The following FABP6 variants were observed in gnomAD, a reference collection of about 807,000 sequenced individuals.
FABP6 encodes the protein gastrotropin.
In FABP6, 13 loss-of-function variants were observed where a neutral mutation model predicts 14.9. The observed-to-expected ratio is 0.87, with a 90% confidence interval of 0.57 to 1.39. FABP6 has a LOEUF of 1.39. FABP6 is among the 40% of genes most tolerant of loss of function. The pLI is 0.00. For missense variants in FABP6, 161 were observed against 167.2 expected, an observed-to-expected ratio of 0.96 and a Z score of 0.20; for synonymous variants, 75 against 63.6, an observed-to-expected ratio of 1.18 and a Z score of -0.85.
At chr5:160,228,507 T>C (rs965943219), upstream of FABP6, 3 of 456,182 alleles carry the variant, frequency 6.6e-6, no homozygotes, top group Non-Finnish European at 1.3e-5. Context: ...GCCGGAGTGA[T>C]CACGGAGGAG....
intron 1 of FABP6, among the ~76,000 whole-genome samples, chr5:160,195,302 A>AG (rs1302783307): frequency 6.0e-5 from 9 of 149,220 alleles, no homozygotes; most frequent in Non-Finnish European, 1.3e-4. Context: ...AAAAAAAAAA[A>AG]AAAAAAAAAG....
At chr5:160,192,766 T>C (rs960875962) in intron 1 of FABP6, among the ~76,000 whole-genome samples, 1 of 152,204 alleles carries the variant, frequency 6.6e-6, no homozygotes, top group Non-Finnish European at 1.5e-5. Flanking sequence ...TGAAAGGCCG[T>C]CTGGGGTCAA....
At chr5:160,208,065 T>C (rs1037663775) in intron 2 of FABP6, among the ~76,000 whole-genome samples, 1 of 152,188 alleles carries the variant, frequency 6.6e-6, no homozygotes, top group African/African-American at 2.4e-5. Flanking sequence ...TTTCTCAATT[T>C]TATGTAAAAA....
chr5:160,227,250 A>G (rs1196984454), upstream of FABP6, among the ~76,000 whole-genome samples: 2 of 152,114 alleles, frequency 1.3e-5, no homozygotes, highest in African/African-American at 4.8e-5. Context: ...AAAAGCCTAA[A>G]AGGGCTGGGT....
exon 3 of FABP6, chr5:160,213,772 A>T: frequency 6.2e-7 from 1 of 1,613,904 alleles, no homozygotes; most frequent in South Asian, 1.1e-5. Flanking sequence ...CACATGGGTG[A>T]GCCGGAAAGG....
In FABP6 at chr5:160,224,109, G is replaced by A. The variant is rs189281700; in HGVS notation, c.136-5437G>A. 7.6e-3 allele frequency among the ~76,000 whole-genome samples: 1,155 copies of A among 152,114 alleles called. 10 individuals are homozygous for A. Among genetic ancestry groups the A allele is most frequent in the African/African-American group, 0.025 (1,058 of 41,498 alleles). On this transcript the variant is annotated intron_variant, in intron 3 of 6. Coordinates refer to the FABP6 transcript ENST00000393980. ...AAATTAGCTGGGCGTGGTGGTGGGCGCCTGTAGTCCCAGCTACTCAGGAGG... is the reference window on the plus strand; with the variant it reads ...AAATTAGCTGGGCGTGGTGGTGGGCACCTGTAGTCCCAGCTACTCAGGAGG...
At position 160,217,732 on chromosome 5, in the gene FABP6, G is replaced by A. The variant is rs186317826; in HGVS notation, c.135+3913G>A. 4.4e-3 allele frequency among the ~76,000 whole-genome samples: 662 copies of A among 152,106 alleles called. 3 individuals carry two copies. Among genetic ancestry groups the A allele is most frequent in the South Asian group, 8.1e-3 (39 of 4,826 alleles). ...GCTCACTGTAGCCTTCCACTCCTACGCTCAAGTGATCTTCCCACCTCAGTC... is the reference window on the plus strand; with the variant it reads ...GCTCACTGTAGCCTTCCACTCCTACACTCAAGTGATCTTCCCACCTCAGTC... On this transcript the variant is annotated intron_variant, in intron 3 of 6. Coordinates refer to the FABP6 transcript ENST00000393980.
chr5:160,191,549 C>T (rs1049851711), intron 1 of FABP6, among the ~76,000 whole-genome samples: 23 of 152,266 alleles, frequency 1.5e-4, no homozygotes, highest in Admixed American at 5.9e-4. Flanking sequence ...GTTCCCCTCT[C>T]ATGCCCTCAT....
At chr5:160,219,013 C>T (rs1760076939) in intron 3 of FABP6, among the ~76,000 whole-genome samples, 1 of 152,136 alleles carries the variant, frequency 6.6e-6, no homozygotes, top group African/African-American at 2.4e-5. Flanking sequence ...GAGAGTAAAA[C>T]TAGAAGTATC....
At chr5:160,235,664 G>A (rs1040997687) in intron 3 of FABP6, among the ~76,000 whole-genome samples, 5 of 152,196 alleles carry the variant, frequency 3.3e-5, no homozygotes, top group South Asian at 2.1e-4. Context: ...CTGGGGTCCC[G>A]TGTAGGTCTA....
At chr5:160,232,648 G>C (rs1382106385) in intron 2 of FABP6, among the ~76,000 whole-genome samples, 1 of 152,098 alleles carries the variant, frequency 6.6e-6, no homozygotes, top group Non-Finnish European at 1.5e-5. Context: ...TGTAATCCCA[G>C]CACTTTGGGA....
At chr5:160,193,819 C>A (rs1362995367) in intron 1 of FABP6, among the ~76,000 whole-genome samples, 1 of 152,258 alleles carries the variant, frequency 6.6e-6, no homozygotes, top group Non-Finnish European at 1.5e-5. Flanking sequence ...GACTCAGGAG[C>A]CCAGCTGGCT....
intron 1 of FABP6, chr5:160,198,930 G>A: frequency 3.2e-6 from 2 of 629,670 alleles, no homozygotes; most frequent in Admixed American, 5.7e-5. Context: ...GTATCTCCAG[G>A]GCCCATGTGT....
At chr5:160,195,287 A>C (rs1385913710) in intron 1 of FABP6, among the ~76,000 whole-genome samples, 1 of 69,160 alleles carries the variant, frequency 1.4e-5, no homozygotes, top group East Asian at 5.8e-4. Context: ...CTGTCTCAAA[A>C]AAAAAAAAAA....
upstream of FABP6, chr5:160,228,424 C>G (rs897782499): frequency 4.4e-6 from 2 of 456,086 alleles, no homozygotes; most frequent in Non-Finnish European, 8.8e-6. Context: ...ATCACGAGAG[C>G]CTTTGCAGAG....
intron 1 of FABP6, among the ~76,000 whole-genome samples, chr5:160,194,832 C>T (rs952620863): frequency 2.6e-5 from 4 of 152,178 alleles, no homozygotes; most frequent in Non-Finnish European, 5.9e-5. Flanking sequence ...CTCCATATTC[C>T]CCACTCCCTG....
intron 2 of FABP6, chr5:160,213,579 C>A: frequency 1.5e-6 from 1 of 652,504 alleles, no homozygotes; most frequent in East Asian, 2.8e-5. Flanking sequence ...AGTCGATATC[C>A]TTTTGATAAA....
intron 1 of FABP6, among the ~76,000 whole-genome samples, chr5:160,191,559 T>C (rs1015579147): frequency 6.6e-6 from 1 of 152,026 alleles, no homozygotes; most frequent in Non-Finnish European, 1.5e-5. Context: ...CATGCCCTCA[T>C]TCCTTTTGCT....
intron 1 of FABP6, among the ~76,000 whole-genome samples, chr5:160,193,673 T>C (rs1048234727): frequency 6.6e-6 from 1 of 152,146 alleles, no homozygotes; most frequent in Non-Finnish European, 1.5e-5. Flanking sequence ...ACAGTGTCGA[T>C]TGGTGCACTC....
Sources: allele counts gnomAD v4.1 joint callset (sites outside exome capture counted in the v4.1 genomes callset), GRCh38; gene constraint gnomAD v4.1.1; transcripts MANE v1.5; gene names NCBI Gene and HGNC (gene_info 2026-07-23, HGNC 2026-07-21).